Variants in BICDL2 observed in about 807,000 individuals in gnomAD.
BICDL2 encodes BICD family like cargo adaptor 2.
In BICDL2, 62 loss-of-function variants were observed where a neutral mutation model predicts 56.6. That is an observed-to-expected ratio of 1.10 (90% CI 0.89 to 1.35). The LOEUF (loss-of-function observed/expected upper bound fraction) is 1.35. Ranked by LOEUF, BICDL2 falls within the 40% of genes most tolerant of loss-of-function variation. The pLI, the probability that BICDL2 is intolerant of heterozygous loss-of-function variation, is 0.00. For synonymous variants in BICDL2, 358 were observed against 319.8 expected, an observed-to-expected ratio of 1.12 and a Z score of -1.27; for missense variants, 808 against 684.5, an observed-to-expected ratio of 1.18 and a Z score of -2.01.
intron 2 of BICDL2, among the ~76,000 whole-genome samples, chr16:3,034,742 C>T (rs1955706657): frequency 2.1e-5 from 3 of 144,694 alleles, no homozygotes; most frequent in Admixed American, 1.4e-4. Context: ...CACTCTGTTG[C>T]TCAAGCTGTA....
intron 2 of BICDL2, 26 bp downstream of exon 2, chr16:3,035,189 A>ACCCCCCC: frequency 1.7e-5 from 1 of 57,702 alleles, no homozygotes; most frequent in South Asian, 1.3e-4. Flanking sequence ...CCACCCACCC[A>ACCCCCCC]CCCACCCCGT....
chr16:3,029,960 C>T (rs1424662564), intron 5 of BICDL2: 2 of 537,340 alleles, frequency 3.7e-6, no homozygotes, highest in Non-Finnish European at 6.5e-6. Context: ...CTCGAAGAGC[C>T]CCATCTCCTC....
intron 5 of BICDL2, chr16:3,029,952 C>T (rs1475655592): frequency 7.5e-6 from 4 of 536,708 alleles, no homozygotes; most frequent in African/African-American, 6.1e-5. Context: ...GGCCGCACCT[C>T]GAAGAGCCCC....
Position 3,027,683 on chromosome 16 carries a change from C to G in BICDL2, c.*423G>C. The G allele has an allele frequency of 6.3e-7, 1 of 1,594,816 alleles. No homozygotes were observed. The highest frequency in any genetic ancestry group is 1.7e-4 in the Middle Eastern group (1 of 5,996). ...TCTCTGACGACACCCCCAGCCAGCTCAGGGTTTTAGAGTGTTTTTCATTTT... is the reference window on the plus strand; with the variant it reads ...TCTCTGACGACACCCCCAGCCAGCTGAGGGTTTTAGAGTGTTTTTCATTTT... On this transcript the variant is annotated 3_prime_UTR_variant, in exon 10 of 10. Coordinates refer to ENST00000572449, the MANE Select transcript of BICDL2 (RefSeq NM_001369667.1).
chr16:3,030,087 C>A, intron 5 of BICDL2: 1 of 457,362 alleles, frequency 2.2e-6, no homozygotes, highest in Non-Finnish European at 3.9e-6. Context: ...CGAAGGAAGG[C>A]AAGCTGACCC....
At chr16:3,035,798 G>A in intron 1 of BICDL2, 1 of 445,834 alleles carries the variant, frequency 2.2e-6, no homozygotes, top group Non-Finnish European at 4.1e-6. Context: ...AGTGCTCCAG[G>A]GCCACAGGCC....
intron 1 of BICDL2, chr16:3,036,165 A>G (rs1340672167): frequency 2.4e-6 from 1 of 418,196 alleles, no homozygotes; most frequent in East Asian, 7.4e-5. Flanking sequence ...CCCATTTTCC[A>G]CGGGACTCAG....
rs909886100 is a variant in BICDL2, at chr16:3,030,466, G to A, written c.745C>T (p.Arg249Trp). The change falls in exon 5 of 10, where the codon CGG (arginine) becomes TGG (tryptophan). Residue 249 changes from arginine (R) to tryptophan (W), a missense_variant. Coordinates refer to ENST00000572449, the MANE Select transcript of BICDL2 (RefSeq NM_001369667.1). ...EELLLLRRERREHSLELERAR... is the reference protein window; with the variant it reads ...EELLLLRRERWEHSLELERAR... ...CAGGTCACCTCCAGGCTGTGCTCCC[G>A]CCGCTCCCGCCTCAGCAGCAGCAAC... 5.0e-6 allele frequency: 8 copies of A among 1,601,490 alleles called. No individual in the cohort carries two copies. The African/African-American group carries it at 5.4e-5, about 11-fold the overall frequency.
intron 2 of BICDL2, among the ~76,000 whole-genome samples, chr16:3,034,695 C>T (rs1319394786): frequency 3.9e-5 from 5 of 127,300 alleles, no homozygotes; most frequent in African/African-American, 1.6e-4. Context: ...CTTCCTTCCC[C>T]TTCCTTCCTT....
intron 2 of BICDL2, chr16:3,031,541 C>G: frequency 2.3e-6 from 1 of 428,518 alleles, no homozygotes; most frequent in Non-Finnish European, 4.1e-6. Flanking sequence ...GAGGCCTGGA[C>G]TCTGCCCAGC....
At position 3,030,665 on chromosome 16, in the gene BICDL2, A is replaced by C. The variant is rs745567626; in HGVS notation, c.615+31T>G. Reference sequence around the variant, plus strand: ...GCCCTCAGCCCGGCTTTTTTGGCTCAGATAATCCCCCAGCCCCAGCTGACA... The same window carrying C: ...GCCCTCAGCCCGGCTTTTTTGGCTCCGATAATCCCCCAGCCCCAGCTGACA... On this transcript the variant is annotated intron_variant, in intron 4 of 9. Transcript: ENST00000572449. 2.5e-6 allele frequency: 4 copies of C among 1,599,064 alleles called. No homozygotes were observed. In the Admixed American group the frequency reaches 6.9e-5, roughly 27 times the overall value.
chr16:3,028,532 G>A (rs1031996469), intron 8 of BICDL2, 64 bp from the exon 9 acceptor site: 18 of 1,549,898 alleles, frequency 1.2e-5, no homozygotes, highest in Non-Finnish European at 1.4e-5. Context: ...CGGGGTGGCG[G>A]GGGACTTCTG....
chr16:3,036,049 T>G (rs1269109596), intron 1 of BICDL2: 4 of 323,448 alleles, frequency 1.2e-5, no homozygotes, highest in Non-Finnish European at 2.4e-5. Context: ...CCCGGGTCTC[T>G]CGCCCTCATT....
intron 1 of BICDL2, chr16:3,036,543 T>A: frequency 2.2e-6 from 1 of 453,676 alleles, no homozygotes; most frequent in South Asian, 1.6e-5. Flanking sequence ...GTCACGGTGG[T>A]CCCAGCCCAG....
Position 3,029,583 on chromosome 16 carries a change from C to T in BICDL2, c.919G>A (p.Asp307Asn). The change falls in exon 6 of 10, where the codon GAC becomes AAC. Residue 307 changes from aspartate (D) to asparagine (N), a missense_variant. Physicochemically the swap from Asp to Asn is conservative, Grantham distance 23. Transcript: ENST00000572449. Reference protein sequence around the residue: ...SELAHSLDDGDQGQGADAPGD... With the variant: ...SELAHSLDDGNQGQGADAPGD... Reference sequence around the variant, plus strand: ...GGTGCGTCGGCGCCCTGGCCCTGGTCGCCGTCGTCGAGGCTGTGGGCCAGT... The same window carrying T: ...GGTGCGTCGGCGCCCTGGCCCTGGTTGCCGTCGTCGAGGCTGTGGGCCAGT... The T allele has an allele frequency of 6.5e-7, 1 of 1,544,074 alleles. No individual in the cohort carries two copies. The highest frequency in any genetic ancestry group is 1.2e-5 in the South Asian group (1 of 84,480).
Position 3,028,688 on chromosome 16 carries a change from C to G in BICDL2, c.1238+12G>C, listed in dbSNP as rs1213516981. 3 of 1,568,788 alleles carry G rather than the reference C, an allele frequency of 1.9e-6. No individual in the cohort carries two copies. Among genetic ancestry groups the G allele is most frequent in the Non-Finnish European group, 2.6e-6 (3 of 1,156,558 alleles). ...AGGGCGCTGGGGCGGTGGTCAATGG[C>G]TTGAGGCTTACTTGTTCACGGCCTC... On this transcript the variant is annotated intron_variant, in intron 8 of 9. Coordinates refer to ENST00000572449, the MANE Select transcript of BICDL2 (RefSeq NM_001369667.1).
chr16:3,036,482 C>T (rs1440982589), intron 1 of BICDL2: 5 of 456,260 alleles, frequency 1.1e-5, no homozygotes, highest in Non-Finnish European at 2.2e-5. Context: ...CGTGCTCTCC[C>T]TCCTCCTCTC....
At chr16:3,033,895 C>T (rs1459585713) in intron 2 of BICDL2, among the ~76,000 whole-genome samples, 2 of 152,062 alleles carry the variant, frequency 1.3e-5, no homozygotes, top group African/African-American at 2.4e-5. Flanking sequence ...GGCATGGAAT[C>T]GAGTGCGTGG....
At chr16:3,030,137 C>T (rs1435989285) in intron 5 of BICDL2, 3 of 481,714 alleles carry the variant, frequency 6.2e-6, no homozygotes, top group Non-Finnish European at 7.4e-6. Flanking sequence ...TCAGACACCG[C>T]ATCCTCTTTT....
Sources: gnomAD v4.1 joint callset for allele counts (sites outside exome capture counted in the v4.1 genomes callset) on GRCh38, gnomAD v4.1.1 for gene constraint, MANE v1.5 for transcripts, NCBI Gene and HGNC (gene_info 2026-07-23, HGNC 2026-07-21) for gene names.